The following SEC16A variants were observed in gnomAD, a reference collection of about 807,000 sequenced individuals.
SEC16A encodes the protein protein transport protein Sec16A.
Under a neutral mutation model 221.9 loss-of-function variants are expected in SEC16A, and 110 were observed. The ratio of observed to expected loss-of-function variants is 0.50; its 90% CI spans 0.42 to 0.58. The LOEUF (loss-of-function observed/expected upper bound fraction) is 0.58. Among genes scored for constraint, SEC16A ranks in the 20% least tolerant of loss-of-function variants. The pLI is 0.00. For synonymous variants in SEC16A, 1,393 were observed against 1,257.7 expected (o/e 1.11, Z -2.28); for missense variants, 3,165 against 3,097.8 (o/e 1.02, Z -0.52).
At position 136,457,471 on chromosome 9, in the gene SEC16A, G is replaced by C. The variant is rs747698788; in HGVS notation, c.5523C>G (p.Ser1841=). 4 of 1,607,458 alleles carry C rather than the reference G, an allele frequency of 2.5e-6. No homozygotes were observed. Among genetic ancestry groups the C allele is most frequent in the Non-Finnish European group, 3.4e-6 (4 of 1,176,860 alleles). The change falls in exon 18 of 32, where the codon TCC becomes TCG. Residue 1841 remains serine (S), a synonymous_variant. Transcript: ENST00000684901. ...GCACAAGCTGGCTGATCAACACCGGGGAATACAGGTGCGGCTGCGTCAGGA... is the reference window on the plus strand; with the variant it reads ...GCACAAGCTGGCTGATCAACACCGGCGAATACAGGTGCGGCTGCGTCAGGA... ...KSILTQPHLY[S]PVLISQLVQM... is the part of the protein sequence containing the mutation.
chr9:136,460,184 C>A, intron 13 of SEC16A, 61 bp from the exon 14 acceptor site: 2 of 1,372,936 alleles, frequency 1.5e-6, no homozygotes, highest in South Asian at 1.2e-5. Flanking sequence ...AAAAGCCGGC[C>A]GGACATGATG....
rs373120832 is a variant in SEC16A, at chr9:136,456,137, G to A, written c.5580C>T (p.Pro1860=). ...CCTCTTCTGGCTTCTCTTTCAGCTGGGGATCGAAGAGTCGTAACTGGGAAG... is the reference window on the plus strand; with the variant it reads ...CCTCTTCTGGCTTCTCTTTCAGCTGAGGATCGAAGAGTCGTAACTGGGAAG... The part of the protein sequence containing the change: ...QMASQLRLFD[P]QLKEKPEEES... The change falls in exon 19 of 32, where the codon CCC becomes CCT. Residue 1860 remains proline, a synonymous_variant. Coordinates refer to ENST00000684901, the MANE Select transcript of SEC16A (RefSeq NM_014866.2). The A allele has an allele frequency of 1.2e-6, 2 of 1,612,328 alleles. No individual in the cohort carries two copies. Among genetic ancestry groups the A allele is most frequent in the African/African-American group, 1.3e-5 (1 of 74,884 alleles).
chr9:136,455,848 C>A, intron 19 of SEC16A, 55 bp from the exon 20 acceptor site: 1 of 1,484,690 alleles, frequency 6.7e-7, no homozygotes, highest in Non-Finnish European at 9.1e-7. Context: ...CTCTGCAGCG[C>A]TGCCCGCCTG....
chr9:136,465,925 GGTTAGC>G, intron 8 of SEC16A, 31 bp downstream of exon 8: 1 of 1,587,860 alleles, frequency 6.3e-7, no homozygotes. Flanking sequence ...GCCCCAGTGG[GGTTAGC>G]CGGTATCCCT....
At chr9:136,483,041 G>A (rs988709907), upstream of SEC16A, 7 of 984,778 alleles carry the variant, frequency 7.1e-6, no homozygotes, top group East Asian at 1.1e-4. Context: ...TGGCACATCC[G>A]GCTCGGGTCT....
At position 136,477,442 on chromosome 9, in the gene SEC16A, A is replaced by G. The variant is rs1841792937; in HGVS notation, c.174T>C (p.Ser58=). ...GTGGTGTACTTTGGAGCGCCTGTCT[A>G]CTAAAAGCAAATGGATCCGTGACCG... ...LQPVTDPFAF[S]RQALQSTPLG... is the part of the protein sequence containing the mutation. The change falls in exon 3 of 32, where the codon AGT becomes AGC. Residue 58 remains serine (S), a synonymous_variant. Coordinates refer to ENST00000684901, the MANE Select transcript of SEC16A (RefSeq NM_014866.2). The G allele has an allele frequency of 6.2e-7, 1 of 1,613,896 alleles. No individual in the cohort carries two copies. Among genetic ancestry groups the G allele is most frequent in the African/African-American group, 1.3e-5 (1 of 74,926 alleles).
rs1048994632 is a variant in SEC16A, at chr9:136,463,032, G to A, written c.4748C>T (p.Thr1583Met). ...SPNEANLIDF[T>M]NEAVEQVEEE... is the part of the protein sequence containing the mutation. The stretch of plus-strand genomic sequence containing the variant: ...TTCCACCTGCTCCACTGCCTCATTC[G>A]TGAAATCAATCAGGTTTGCTTCATT... Residue 1583 changes from threonine (T) to methionine (M), a missense_variant, in exon 12 of 32, where the codon ACG (threonine) becomes ATG (methionine). Physicochemically the swap from Thr to Met is moderately conservative, Grantham distance 81 (BLOSUM62 -1). Transcript: ENST00000684901. 1.8e-5 allele frequency: 29 copies of A among 1,612,236 alleles called. No individual in the cohort carries two copies. The highest frequency in any genetic ancestry group is 1.6e-4 in the Middle Eastern group (1 of 6,084).
At chr9:136,481,129 C>CTTTTTT (rs1000992506) in intron 1 of SEC16A, among the ~76,000 whole-genome samples, 51 of 87,966 alleles carry the variant, frequency 5.8e-4, no homozygotes, top group Non-Finnish European at 7.0e-4. Flanking sequence ...GAATTTTATT[C>CTTTTTT]TTTTTTTTTT....
rs1472654661 is a variant in SEC16A, at chr9:136,477,069, C to A, written c.547G>T (p.Asp183Tyr). The A allele has an allele frequency of 1.2e-6, 2 of 1,613,778 alleles. No homozygotes were observed. ...GGGTTTTGCCTGCTCAGGGGTCGGT[C>A]GAGCCCAGGCATGTTCCCATGAGGG... ...GHPHGNMPGL[D>Y]RPLSRQNPHD... The change falls in exon 3 of 32, where the codon GAC becomes TAC. Residue 183 changes from aspartate (D) to tyrosine (Y), a missense_variant. Transcript: ENST00000684901.
At chr9:136,446,797 G>T in intron 28 of SEC16A, 58 bp downstream of exon 28, 1 of 1,522,534 alleles carries the variant, frequency 6.6e-7, no homozygotes, top group South Asian at 1.3e-5. Flanking sequence ...CTGTCTGGCA[G>T]GATGGGGAGG....
chr9:136,472,164 TC>T, intron 3 of SEC16A, 53 bp from the exon 4 acceptor site: 1 of 1,603,364 alleles, frequency 6.2e-7, no homozygotes, highest in Non-Finnish European at 8.5e-7. Context: ...AGCAAGCTCG[TC>T]CAACAGCCAG....
In SEC16A at chr9:136,476,481, C is replaced by T. The variant is rs769475565; in HGVS notation, c.1135G>A (p.Gly379Arg). ...AGATTCTCCTCATTTTCTGTCTCTCCCCCTTGGAAAAACATCGCCAGAGCT... is the reference window on the plus strand; with the variant it reads ...AGATTCTCCTCATTTTCTGTCTCTCTCCCTTGGAAAAACATCGCCAGAGCT... ...SGALAMFFQG[G>R]ETENEENLSS... Residue 379 changes from glycine (G) to arginine (R), a missense_variant, in exon 3 of 32, where the codon GGA (glycine) becomes AGA (arginine). Around this residue, in one of 3 missense-constraint regions of SEC16A, gnomAD observed 2,030 missense variants for 1,923.1 expected, o/e 1.06. Transcript: ENST00000684901. The T allele has an allele frequency of 1.7e-5, 28 of 1,613,160 alleles. No homozygotes were observed. Among genetic ancestry groups the T allele is most frequent in the Non-Finnish European group, 2.4e-5 (28 of 1,179,768 alleles).
chr9:136,476,394 C>T lies in SEC16A; in HGVS notation c.1222G>A (p.Gly408Arg). Residue 408 changes from glycine (G) to arginine (R), a missense_variant, in exon 3 of 32, where the codon GGG becomes AGG. By Grantham distance (125) the Gly-to-Arg change is moderately radical. Around this residue, in one of 3 missense-constraint regions of SEC16A, gnomAD observed 2,030 missense variants for 1,923.1 expected, o/e 1.06. Transcript: ENST00000684901. ...ADFDDFCSSP[G>R]LGRPPAPTHV... ...GTAGGTGCGGGCGGACGGCCTAGCCCAGGGCTGGAGCAGAAATCGTCAAAG... is the reference window on the plus strand; with the variant it reads ...GTAGGTGCGGGCGGACGGCCTAGCCTAGGGCTGGAGCAGAAATCGTCAAAG... The T allele has an allele frequency of 6.2e-7, 1 of 1,612,802 alleles. No homozygotes were observed. Among genetic ancestry groups the T allele is most frequent in the Non-Finnish European group, 8.5e-7 (1 of 1,179,858 alleles).
chr9:136,465,882 G>A, intron 8 of SEC16A, 80 bp downstream of exon 8: 2 of 1,412,744 alleles, frequency 1.4e-6, no homozygotes, highest in East Asian at 2.3e-5. Flanking sequence ...TCCCAGCCCT[G>A]ACTCCCGTGT....
chr9:136,471,943 C>T (rs1554816812), intron 4 of SEC16A, 32 bp downstream of exon 4: 14 of 1,608,256 alleles, frequency 8.7e-6, no homozygotes, highest in East Asian at 2.2e-5. Flanking sequence ...CTGAGTAGGA[C>T]AGAGAGGCAG....
At chr9:136,445,940 C>G (rs1263745979) in intron 28 of SEC16A, among the ~76,000 whole-genome samples, 2 of 152,152 alleles carry the variant, frequency 1.3e-5, no homozygotes, top group African/African-American at 4.8e-5. Flanking sequence ...CCTGTGTGTG[C>G]CCATGACAGG....
chr9:136,484,459 C>T (rs1469091315), upstream of SEC16A: 1 of 1,206,876 alleles, frequency 8.3e-7, no homozygotes, highest in Non-Finnish European at 1.1e-6. Context: ...ATGCCGGGCC[C>T]ACTCACCTGC....
Position 136,451,371 on chromosome 9 carries a change from G to C in SEC16A, c.6197C>G (p.Pro2066Arg), listed in dbSNP as rs779120151. The change falls in exon 23 of 32, where the codon CCA becomes CGA. Residue 2066 changes from proline (P) to arginine (R), a missense_variant. Transcript: ENST00000684901. ...ACCCGAGTCGGCACGATCCCACCCT[G>C]GGGGGGCCTCCGAGTCTGGCACCGT... ...SRTVPDSEAP[P>R]GWDRADSGPT... 6 of 1,611,492 alleles carry C rather than the reference G, an allele frequency of 3.7e-6. No homozygotes were observed. Among genetic ancestry groups the C allele is most frequent in the South Asian group, 1.1e-5 (1 of 90,864 alleles).
chr9:136,461,698 A>T (rs1839503175), intron 12 of SEC16A, among the ~76,000 whole-genome samples: 1 of 152,208 alleles, frequency 6.6e-6, no homozygotes, highest in Non-Finnish European at 1.5e-5. Context: ...AAAATCATCC[A>T]GGGCATAATT....
Sources: allele counts gnomAD v4.1 joint callset (sites outside exome capture counted in the v4.1 genomes callset), GRCh38; gene constraint gnomAD v4.1.1; regional missense constraint gnomAD v4.1.1; transcripts MANE v1.5; gene names NCBI Gene and HGNC (gene_info 2026-07-23, HGNC 2026-07-21).